The following SPATS2 variants were observed in gnomAD, a reference collection of about 807,000 sequenced individuals.
SPATS2 encodes the protein spermatogenesis associated serine rich 2.
A neutral mutation model predicts 63.7 loss-of-function variants in SPATS2; 38 were observed. That is an observed-to-expected ratio of 0.60 (90% confidence interval 0.46 to 0.78). The LOEUF (loss-of-function observed/expected upper bound fraction) is 0.78, where lower values mean the gene tolerates loss of function less well. Ranked by LOEUF, SPATS2 falls within the 30% of genes least tolerant of loss-of-function variation. The pLI is 0.00. For synonymous variants in SPATS2, 207 were observed against 232.9 expected, an observed-to-expected ratio of 0.89 and a Z score of 1.01; for missense variants, 588 against 666.2, an observed-to-expected ratio of 0.88 and a Z score of 1.29.
chr12:49,461,086 C>T (rs763345189), intron 3 of SPATS2, 49 bp downstream of exon 3: 12 of 1,578,432 alleles, frequency 7.6e-6, no homozygotes, highest in Admixed American at 3.4e-5. Flanking sequence ...TTATAATGAT[C>T]CCCATTTATA....
intron 2 of SPATS2, among the ~76,000 whole-genome samples, chr12:49,413,578 T>C (rs1440423112): frequency 1.3e-5 from 2 of 152,028 alleles, no homozygotes; most frequent in East Asian, 3.9e-4. Flanking sequence ...CAAATTATTT[T>C]CATTCCTCCC....
chr12:49,439,383 GT>G (rs1455441195), intron 2 of SPATS2, among the ~76,000 whole-genome samples: 1 of 152,178 alleles, frequency 6.6e-6, no homozygotes, highest in Non-Finnish European at 1.5e-5. Flanking sequence ...ACTGGCTTCT[GT>G]GTGAAAAATA....
At chr12:49,524,540 G>T in intron 12 of SPATS2, 142 bp from the exon 13 acceptor site, 1 of 828,428 alleles carries the variant, frequency 1.2e-6, no homozygotes, top group Non-Finnish European at 1.8e-6. Context: ...TTTTCTTCCT[G>T]TTACCAGTTT....
At chr12:49,524,928 A>G (rs763501984) in intron 13 of SPATS2, 32 bp downstream of exon 13, 3 of 1,596,788 alleles carry the variant, frequency 1.9e-6, no homozygotes, top group Non-Finnish European at 2.6e-6. Flanking sequence ...GCATGTTAGG[A>G]AGAAAACCCT....
At chr12:49,391,586 TG>T (rs67811151) in intron 2 of SPATS2, among the ~76,000 whole-genome samples, 41,287 of 152,108 alleles carry the variant, frequency 0.27, 7,834 homozygotes, top group East Asian at 0.82. Context: ...GTTATGGAAA[TG>T]TGCTTTAACA....
intron 10 of SPATS2, among the ~76,000 whole-genome samples, chr12:49,516,158 AAAAAAAAAATAT>A (rs1217547220): frequency 7.9e-4 from 29 of 36,770 alleles, no homozygotes; most frequent in African/African-American, 4.1e-3. Flanking sequence ...AAAAAAAAAA[AAAAAAAAAATAT>A]ATATATATAT....
intron 2 of SPATS2, among the ~76,000 whole-genome samples, chr12:49,375,113 TAAC>T (rs1011100420): frequency 1.1e-4 from 17 of 150,868 alleles, no homozygotes; most frequent in Non-Finnish European, 2.2e-4. Flanking sequence ...ATTACTTAAT[TAAC>T]AAGATGTATG....
intron 2 of SPATS2, chr12:49,389,932 C>T: frequency 1.2e-6 from 1 of 806,230 alleles, no homozygotes. Context: ...CACATGTTGA[C>T]CAGATAAATG....
chr12:49,409,042 A>G (rs1944749010), intron 2 of SPATS2, among the ~76,000 whole-genome samples: 1 of 152,188 alleles, frequency 6.6e-6, no homozygotes, highest in Non-Finnish European at 1.5e-5. Context: ...TGGAATAATA[A>G]TAGTACATTT....
At chr12:49,522,662 G>T in intron 11 of SPATS2, 89 bp from the exon 12 acceptor site, 1 of 1,038,216 alleles carries the variant, frequency 9.6e-7, no homozygotes, top group Non-Finnish European at 1.4e-6. Context: ...AAAGACAATT[G>T]AAAATGATTG....
At chr12:49,514,760 T>C in intron 10 of SPATS2, 147 bp downstream of exon 10, 1 of 605,234 alleles carries the variant, frequency 1.7e-6, no homozygotes, top group Non-Finnish European at 2.7e-6. Context: ...TGTACTGGCA[T>C]ATGAATCCTT....
chr12:49,379,502 G>A (rs1360571479), intron 2 of SPATS2, among the ~76,000 whole-genome samples: 5 of 126,082 alleles, frequency 4.0e-5, no homozygotes, highest in African/African-American at 1.5e-4. Context: ...AATGAGCCGC[G>A]ATCACGCCAC....
chr12:49,513,014 A>T, intron 9 of SPATS2: 1 of 883,124 alleles, frequency 1.1e-6, no homozygotes, highest in Non-Finnish European at 1.6e-6. Flanking sequence ...TTTAGTTACA[A>T]GTCTGTTTAT....
At chr12:49,379,661 T>C (rs1376726399) in intron 2 of SPATS2, among the ~76,000 whole-genome samples, 1 of 148,976 alleles carries the variant, frequency 6.7e-6, no homozygotes, top group African/African-American at 2.5e-5. Context: ...CTTGCTCTGT[T>C]GCCCAGGCTG....
chr12:49,500,033 T>A, intron 8 of SPATS2, 37 bp from the exon 9 acceptor site: 1 of 355,022 alleles, frequency 2.8e-6, no homozygotes, highest in Non-Finnish European at 3.8e-6. Context: ...ATAATTATTC[T>A]TTTTTTTTTT....
intron 2 of SPATS2, among the ~76,000 whole-genome samples, chr12:49,430,460 A>G (rs1945166936): frequency 6.6e-6 from 1 of 152,062 alleles, no homozygotes; most frequent in African/African-American, 2.4e-5. Flanking sequence ...TGATTATATT[A>G]TGGAATGAGA....
chr12:49,397,855 AAAAG>A (rs1270535213), intron 2 of SPATS2, among the ~76,000 whole-genome samples: 1 of 149,492 alleles, frequency 6.7e-6, no homozygotes, highest in African/African-American at 2.5e-5. Context: ...AAAAAAAAAA[AAAAG>A]GATCCATTGG....
chr12:49,449,986 T>G (rs970578107), intron 2 of SPATS2, among the ~76,000 whole-genome samples: 1 of 152,216 alleles, frequency 6.6e-6, no homozygotes, highest in Non-Finnish European at 1.5e-5. Flanking sequence ...TATTGTTTGG[T>G]GGATATATAT....
chr12:49,403,561 G>A (rs1944642326), intron 2 of SPATS2, among the ~76,000 whole-genome samples: 1 of 150,456 alleles, frequency 6.6e-6, no homozygotes, highest in African/African-American at 2.4e-5. Context: ...CCAGGAGGTG[G>A]AGGTTGCAGT....
Sources: gnomAD v4.1 joint callset for allele counts (sites outside exome capture counted in the v4.1 genomes callset) on GRCh38, gnomAD v4.1.1 for gene constraint, MANE v1.5 for transcripts, NCBI Gene and HGNC (gene_info 2026-07-23, HGNC 2026-07-21) for gene names.